Variants in C11orf65 observed in about 807,000 individuals in gnomAD.
The protein encoded by C11orf65 is protein MFI.
A neutral mutation model predicts 35.3 loss-of-function variants in C11orf65; 38 were observed. The observed-to-expected ratio is 1.08, with a 90% confidence interval of 0.83 to 1.41. C11orf65 has a LOEUF of 1.41. C11orf65 is among the 40% of genes most tolerant of loss of function. The probability of loss-of-function intolerance (pLI) is 0.00; values close to 1 mark genes in which losing one functional copy is unlikely to be tolerated. For synonymous variants in C11orf65, 105 were observed against 114.4 expected (o/e 0.92, Z 0.53); for missense variants, 370 against 367.1 (o/e 1.01, Z -0.06).
At chr11:108,449,187 A>C (rs1205645498) in intron 2 of C11orf65, among the ~76,000 whole-genome samples, 3 of 152,154 alleles carry the variant, frequency 2.0e-5, no homozygotes, top group Admixed American at 6.6e-5. Flanking sequence ...AAGAATCAAT[A>C]TCGTGAAAAT....
At chr11:108,350,475 C>T (rs1437902754) in intron 2 of C11orf65, among the ~76,000 whole-genome samples, 1 of 152,202 alleles carries the variant, frequency 6.6e-6, no homozygotes, top group African/African-American at 2.4e-5. Context: ...TTAGCAGACT[C>T]ATTTCTGGAG....
Position 108,411,161 on chromosome 11 carries a change from C to T in C11orf65, c.175-4012G>A, listed in dbSNP as rs374800646. Among the ~76,000 whole-genome samples, 528 of 152,196 alleles carry T rather than the reference C, an allele frequency of 3.5e-3. 2 individuals carry two copies. Among genetic ancestry groups the T allele is most frequent in the African/African-American group, 0.012 (503 of 41,522 alleles). ...TGAGCTCTACTTTAGATACATTCCACATGTTTTGATGTCACATTTTCATTA... is the reference window on the plus strand; with the variant it reads ...TGAGCTCTACTTTAGATACATTCCATATGTTTTGATGTCACATTTTCATTA... On this transcript the variant is annotated intron_variant, in intron 3 of 8. Coordinates refer to ENST00000393084, the MANE Select transcript of C11orf65 (RefSeq NM_152587.5).
chr11:108,413,622 T>C (rs2092690395), intron 3 of C11orf65, among the ~76,000 whole-genome samples: 1 of 152,190 alleles, frequency 6.6e-6, no homozygotes, highest in Non-Finnish European at 1.5e-5. Flanking sequence ...AGGAAGCGCT[T>C]TCAACTTTTC....
At position 108,406,839 on chromosome 11, in the gene C11orf65, T is replaced by C; in HGVS notation, c.353A>G (p.Asp118Gly). The change falls in exon 5 of 9, where the codon GAT becomes GGT. Residue 118 changes from aspartate to glycine, a missense_variant. By Grantham distance (94) the Asp-to-Gly change is moderately conservative (BLOSUM62 -1). Transcript: ENST00000393084. Reference sequence around the variant, plus strand: ...ACTATGATCCTCTTCCTGAAGATGATCATTTTTATTATGAGATGTATGCTT... The same window carrying C: ...ACTATGATCCTCTTCCTGAAGATGACCATTTTTATTATGAGATGTATGCTT... ...PAKHTSHNKN[D>G]HLQEEDHSGW... 1 of 1,613,434 alleles carries C rather than the reference T, an allele frequency of 6.2e-7. No homozygotes were observed. The highest frequency in any genetic ancestry group is 8.5e-7 in the Non-Finnish European group (1 of 1,179,586).
At chr11:108,397,908 A>T (rs1056923591) in intron 6 of C11orf65, among the ~76,000 whole-genome samples, 1 of 152,212 alleles carries the variant, frequency 6.6e-6, no homozygotes, top group Non-Finnish European at 1.5e-5. Flanking sequence ...GTGGCAGACA[A>T]ATACACAGTT....
intron 7 of C11orf65, among the ~76,000 whole-genome samples, chr11:108,386,820 AC>A (rs2092011629): frequency 6.6e-6 from 1 of 152,104 alleles, no homozygotes; most frequent in Admixed American, 6.6e-5. Context: ...AGTGGCTCAC[AC>A]CTGTAATACC....
chr11:108,386,082 G>T, intron 7 of C11orf65, 107 bp from the exon 8 acceptor site: 2 of 883,124 alleles, frequency 2.3e-6, no homozygotes, highest in Non-Finnish European at 3.6e-6. Context: ...ATGATGGCAT[G>T]TTCACTAGCC....
rs563137460 is a variant in C11orf65 at position 108,332,885 on chromosome 11, T to G, written c.300-1318A>C. Reference sequence around the variant, plus strand: ...ATTAGCAAACTTAGATGCCACTCAGTGGAAGACTCAGAGAAGTATGTTTTT... The same window carrying G: ...ATTAGCAAACTTAGATGCCACTCAGGGGAAGACTCAGAGAAGTATGTTTTT... On this transcript the variant is annotated intron_variant, in intron 3 of 3. Coordinates refer to the C11orf65 transcript ENST00000524755. 2.5e-6 allele frequency: 4 copies of G among 1,612,928 alleles called. No homozygotes were observed. In the East Asian group the frequency reaches 8.9e-5, roughly 36 times the overall value.
At chr11:108,353,273 C>T (rs567594979) in intron 2 of C11orf65, among the ~76,000 whole-genome samples, 12 of 152,076 alleles carry the variant, frequency 7.9e-5, no homozygotes, top group African/African-American at 1.7e-4. Context: ...CTCAGCCTCC[C>T]GAGTAACTGG....
intron 2 of C11orf65, among the ~76,000 whole-genome samples, chr11:108,373,761 C>T (rs555755628): frequency 3.3e-5 from 5 of 152,342 alleles, no homozygotes; most frequent in Admixed American, 1.3e-4. Flanking sequence ...CCGGGAGTTC[C>T]CTTTCCTGGT....
intron 1 of C11orf65, among the ~76,000 whole-genome samples, chr11:108,466,443 G>A (rs2093539311): frequency 6.6e-6 from 1 of 152,010 alleles, no homozygotes; most frequent in Admixed American, 6.6e-5. Context: ...GTGTGGTGGC[G>A]CACACTTGCA....
intron 2 of C11orf65, among the ~76,000 whole-genome samples, chr11:108,440,748 G>C (rs2093139446): frequency 6.6e-6 from 1 of 152,112 alleles, no homozygotes; most frequent in African/African-American, 2.4e-5. Flanking sequence ...TTATGACCTA[G>C]ACTAAGAGGT....
At chr11:108,408,736 T>TAACATAACATAACATAACATAAC (rs1565660272) in intron 3 of C11orf65, among the ~76,000 whole-genome samples, 13 of 99,592 alleles carry the variant, frequency 1.3e-4, no homozygotes, top group African/African-American at 4.2e-4. Context: ...AATAAAATGA[T>TAACATAACATAACATAACATAAC]ATAAGAATTG....
intron 6 of C11orf65, among the ~76,000 whole-genome samples, chr11:108,397,372 T>A (rs765601908): frequency 2.0e-5 from 3 of 151,478 alleles, no homozygotes; most frequent in Admixed American, 6.6e-5. Flanking sequence ...TTTTGCAATA[T>A]ATTTTTAGTT....
intron 2 of C11orf65, among the ~76,000 whole-genome samples, chr11:108,447,378 T>C (rs559784004): frequency 6.6e-6 from 1 of 152,086 alleles, no homozygotes; most frequent in Non-Finnish European, 1.5e-5. Flanking sequence ...GACCACATAG[T>C]TGGAAGTAAA....
intron 6 of C11orf65, among the ~76,000 whole-genome samples, 159 bp from the exon 7 acceptor site, chr11:108,393,537 T>C (rs1565639807): frequency 6.6e-6 from 1 of 152,222 alleles, no homozygotes; most frequent in African/African-American, 2.4e-5. Context: ...AACCAAGATC[T>C]ATGTGATGGA....
chr11:108,403,802 T>C (rs1591477946), intron 6 of C11orf65, among the ~76,000 whole-genome samples: 1 of 152,220 alleles, frequency 6.6e-6, no homozygotes, highest in Non-Finnish European at 1.5e-5. Context: ...TAATTAACAA[T>C]ATACATGGGG....
At chr11:108,441,655 C>T (rs1402573308) in intron 2 of C11orf65, among the ~76,000 whole-genome samples, 1 of 152,180 alleles carries the variant, frequency 6.6e-6, no homozygotes, top group Non-Finnish European at 1.5e-5. Context: ...GCAACAATTG[C>T]CATTCTGCAA....
chr11:108,445,586 A>G (rs1389926946), intron 2 of C11orf65, among the ~76,000 whole-genome samples: 1 of 152,134 alleles, frequency 6.6e-6, no homozygotes, highest in Non-Finnish European at 1.5e-5. Flanking sequence ...GAAAACTAAC[A>G]AATAGAAAGG....
Sources: gnomAD v4.1 joint callset for allele counts (sites outside exome capture counted in the v4.1 genomes callset) on GRCh38, gnomAD v4.1.1 for gene constraint, MANE v1.5 for transcripts, NCBI Gene and HGNC (gene_info 2026-07-23, HGNC 2026-07-21) for gene names.